Variants in GGT6 observed in about 807,000 individuals in gnomAD.
The protein encoded by GGT6 is glutathione hydrolase 6.
A neutral mutation model predicts 17.0 loss-of-function variants in GGT6; 13 were observed. The ratio of observed to expected loss-of-function variants is 0.77; its 90% CI spans 0.50 to 1.22. The LOEUF (loss-of-function observed/expected upper bound fraction) is 1.22, where lower values mean the gene tolerates loss of function less well. Among genes scored for constraint, GGT6 ranks in the 50% most tolerant of loss-of-function variants. GGT6 has a pLI of 0.00. For missense variants in GGT6, 628 were observed against 643.7 expected, an observed-to-expected ratio of 0.98 and a Z score of 0.26; for synonymous variants, 305 against 297.9, an observed-to-expected ratio of 1.02 and a Z score of -0.25.
In GGT6 at chr17:4,559,003, A is replaced by G. The variant is rs978203083; in HGVS notation, c.512T>C (p.Leu171Pro). 1.9e-6 allele frequency: 3 copies of G among 1,544,846 alleles called. No individual in the cohort carries two copies. The highest frequency in any genetic ancestry group is 1.7e-6 in the Non-Finnish European group (2 of 1,146,958). Residue 171 changes from leucine to proline, a missense_variant, in exon 4 of 4, where the codon CTG (leucine) becomes CCG (proline). Transcript: ENST00000381550. The stretch of plus-strand genomic sequence containing the variant: ...CAGGGTCTGTGCTGGGCCTGATGTC[A>G]GGGCCGTGGAATTGCCTGAGGAGCT... Reference protein sequence around the residue: ...HDSSSGNSTALTSGPAQTLAP... With the variant: ...HDSSSGNSTAPTSGPAQTLAP...
chr17:4,556,691 CCT>C (rs1207246317), downstream of GGT6, among the ~76,000 whole-genome samples: 1 of 152,244 alleles, frequency 6.6e-6, no homozygotes, highest in Non-Finnish European at 1.5e-5. Context: ...GCCTTCTCAC[CCT>C]CTCAGCCGCT....
chr17:4,558,542 C>T lies in GGT6; in HGVS notation c.973G>A (p.Glu325Lys). The change falls in exon 4 of 4, where the codon GAA (glutamate) becomes AAA (lysine). Residue 325 changes from glutamate (E) to lysine (K), a missense_variant. Coordinates refer to ENST00000381550, the MANE Select transcript of GGT6 (RefSeq NM_001288702.2). Reference sequence around the variant, plus strand: ...GCTGCCTCCAACAGTGCCAGCAGTTCTGGGCCAGCTGAGGGACTGGGGGTG... The same window carrying T: ...GCTGCCTCCAACAGTGCCAGCAGTTTTGGGCCAGCTGAGGGACTGGGGGTG... ...FTTPSPSAGPELLALLEAALR... is the reference protein window; with the variant it reads ...FTTPSPSAGPKLLALLEAALR... The T allele has an allele frequency of 6.3e-7, 1 of 1,577,176 alleles. No individual in the cohort carries two copies. Among genetic ancestry groups the T allele is most frequent in the Non-Finnish European group, 8.6e-7 (1 of 1,161,406 alleles).
chr17:4,559,160 A>G, intron 3 of GGT6, 103 bp from the exon 4 acceptor site: 1 of 1,437,582 alleles, frequency 7.0e-7, no homozygotes, highest in Admixed American at 2.1e-5. Context: ...GTTACTGACC[A>G]GGCCTGAGGT....
chr17:4,559,187 C>T (rs191696453), intron 3 of GGT6, 130 bp from the exon 4 acceptor site: 147 of 1,313,900 alleles, frequency 1.1e-4, no homozygotes, highest in Admixed American at 5.8e-4. Flanking sequence ...TCCACAGACC[C>T]GGGCTCAAGG....
rs1211780586 is a variant in GGT6 at position 4,558,091 on chromosome 17, A to G, written c.1424T>C (p.Leu475Pro). The change falls in exon 4 of 4, where the codon CTC (leucine) becomes CCC (proline). Residue 475 changes from leucine to proline, a missense_variant. By Grantham distance (98) the Leu-to-Pro change is moderately conservative (BLOSUM62 -3). Coordinates refer to ENST00000381550, the MANE Select transcript of GGT6 (RefSeq NM_001288702.2). ...GTGCTCTGTGTGGGCTGCCACCTGG[A>G]GCAGGGTCCCTTGGCCACAAGTGCT... The part of the protein sequence containing the change: ...HPSTCGQGTL[L>P]QVAAHTEHAH... 1.2e-6 allele frequency: 2 copies of G among 1,606,938 alleles called. No individual in the cohort carries two copies. The highest frequency in any genetic ancestry group is 2.2e-5 in the East Asian group (1 of 44,818).
rs1484358721 is a variant in GGT6, at chr17:4,558,044, G to A, written c.1471C>T (p.His491Tyr). Residue 491 changes from histidine to tyrosine, a missense_variant, in exon 4 of 4, where the codon CAT becomes TAT. Coordinates refer to ENST00000381550, the MANE Select transcript of GGT6 (RefSeq NM_001288702.2). The stretch of plus-strand genomic sequence containing the variant: ...AACCCCTGGAAGGGGCAGCAGGCAT[G>A]GGGGACACTGGAGACATGGGCGTGC... ...TEHAHVSSVP[H>Y]ACCPFQGF is the part of the protein sequence containing the mutation. 6.4e-7 allele frequency: 1 copy of A among 1,560,930 alleles called. No individual in the cohort carries two copies. Among genetic ancestry groups the A allele is most frequent in the African/African-American group, 1.4e-5 (1 of 73,980 alleles).
rs941041327 is a variant in GGT6 at position 4,558,410 on chromosome 17, G to A, written c.1105C>T (p.Leu369Phe). The change falls in exon 4 of 4, where the codon CTC becomes TTC. Residue 369 changes from leucine to phenylalanine, a missense_variant. Physicochemically the swap from Leu to Phe is conservative, Grantham distance 22 (BLOSUM62 0). Transcript: ENST00000381550. Reference protein sequence around the residue: ...LAAVDSSGSVLLLTSSLNCSF... With the variant: ...LAAVDSSGSVFLLTSSLNCSF... ...CAGTTGAGCGAGGAGGTGAGAAGGAGCACAGAGCCGCTGCTGTCCACGGCG... is the reference window on the plus strand; with the variant it reads ...CAGTTGAGCGAGGAGGTGAGAAGGAACACAGAGCCGCTGCTGTCCACGGCG... 1 of 1,605,322 alleles carries A rather than the reference G, an allele frequency of 6.2e-7. No homozygotes were observed. Among genetic ancestry groups the A allele is most frequent in the Admixed American group, 1.7e-5 (1 of 60,028 alleles).
Position 4,558,107 on chromosome 17 carries a change from C to T in GGT6, c.1408G>A (p.Gly470Ser). ...GCCACCTGGAGCAGGGTCCCTTGGC[C>T]ACAAGTGCTGGGATGCTCTGTTGGT... The part of the protein sequence containing the change: ...QEPTEHPSTC[G>S]QGTLLQVAAH... The change falls in exon 4 of 4, where the codon GGC becomes AGC. Residue 470 changes from glycine (G) to serine (S), a missense_variant. Gly to Ser is a moderately conservative substitution (Grantham distance 56). Transcript: ENST00000381550. 2 of 1,611,102 alleles carry T rather than the reference C, an allele frequency of 1.2e-6. No individual in the cohort carries two copies. Among genetic ancestry groups the T allele is most frequent in the Non-Finnish European group, 1.7e-6 (2 of 1,178,278 alleles).
In GGT6 at chr17:4,560,317, C is replaced by CAG. The variant is rs1360217143; in HGVS notation, c.140+63_140+64dup. ...GTCGCCTGGTCCCCCTGAGGGGCTC[C>CAG]AGAGAGAGGGACTTGCCAACCTCAA... On this transcript the variant is annotated intron_variant, in intron 1 of 3. Transcript: ENST00000381550. 2.5e-5 allele frequency: 40 copies of CAG among 1,596,330 alleles called. 1 individual carries two copies. Among genetic ancestry groups the CAG allele is most frequent in the Non-Finnish European group, 3.3e-5 (39 of 1,166,484 alleles).
chr17:4,558,881 T>TG lies in GGT6; in HGVS notation c.633dup (p.Thr212HisfsTer34), dbSNP rs1173624511. 28 of 1,547,472 alleles carry TG rather than the reference T, an allele frequency of 1.8e-5. No individual in the cohort carries two copies. Among genetic ancestry groups the TG allele is most frequent in the Non-Finnish European group, 2.1e-5 (24 of 1,145,022 alleles). On this transcript the variant is annotated frameshift_variant, in exon 4 of 4. Coordinates refer to ENST00000381550, the MANE Select transcript of GGT6 (RefSeq NM_001288702.2). LOFTEE classifies it low-confidence loss of function (END_TRUNC). ...AGGAAGCCCTCCTGAGCCAGCGTGG[T>TG]GGGGCCCACTAGCAGGCGTGGCCAG...
At chr17:4,556,906 A>G (rs750342526), downstream of GGT6, 2 of 152,238 alleles carry the variant, frequency 1.3e-5, no homozygotes, top group Non-Finnish European at 2.9e-5. Context: ...TGGAAAATTA[A>G]CCAAGAAGCA....
At chr17:4,556,360 G>A (rs1908113790), downstream of GGT6, among the ~76,000 whole-genome samples, 1 of 152,132 alleles carries the variant, frequency 6.6e-6, no homozygotes, top group African/African-American at 2.4e-5. Context: ...GGAGTTAGAT[G>A]TCGGGGGAGA....
In GGT6 at chr17:4,559,462, G is replaced by T; in HGVS notation, c.344-6C>A. ...GCCTAGGTGGGAGCATGTGGCTGCA[G>T]CAAGGAAGGCACTGTCATGCAGCAA... On this transcript the variant is annotated splice_polypyrimidine_tract_variant and splice_region_variant and intron_variant, in intron 2 of 3. Coordinates refer to ENST00000381550, the MANE Select transcript of GGT6 (RefSeq NM_001288702.2). 1 of 1,556,354 alleles carries T rather than the reference G, an allele frequency of 6.4e-7. No homozygotes were observed. The highest frequency in any genetic ancestry group is 8.7e-7 in the Non-Finnish European group (1 of 1,149,430).
At chr17:4,559,787 C>T (rs772108116) in intron 1 of GGT6, 27 bp from the exon 2 acceptor site, 17 of 1,600,508 alleles carry the variant, frequency 1.1e-5, no homozygotes, top group African/African-American at 1.3e-5. Flanking sequence ...TCCTGAGCCA[C>T]GGCTGGGACA....
At position 4,558,459 on chromosome 17, in the gene GGT6, C is replaced by A; in HGVS notation, c.1056G>T (p.Val352=). ...CGGCCAGGGCACTGCTCTCGGGGCT[C>A]ACAGCAGTCTGCAGGAACGGTGGGC... ...DPCPPFLQTA[V]SPESSALAAV... is the part of the protein sequence containing the mutation. The change falls in exon 4 of 4, where the codon GTG becomes GTT. Residue 352 remains valine (V), a synonymous_variant. Coordinates refer to ENST00000381550, the MANE Select transcript of GGT6 (RefSeq NM_001288702.2). 6.2e-7 allele frequency: 1 copy of A among 1,608,116 alleles called. No homozygotes were observed. The highest frequency in any genetic ancestry group is 1.1e-5 in the South Asian group (1 of 91,010).
At position 4,558,273 on chromosome 17, in the gene GGT6, C is replaced by G. The variant is rs770163406; in HGVS notation, c.1242G>C (p.Leu414=). 1 of 1,614,134 alleles carries G rather than the reference C, an allele frequency of 6.2e-7. No homozygotes were observed. Among genetic ancestry groups the G allele is most frequent in the Non-Finnish European group, 8.5e-7 (1 of 1,180,046 alleles). ...WACPLILRGS[L]DDTEADVLGL... ...CCAACACATCAGCCTCTGTGTCATCCAGGCTGCCACGGAGGATGAGGGGGC... is the reference window on the plus strand; with the variant it reads ...CCAACACATCAGCCTCTGTGTCATCGAGGCTGCCACGGAGGATGAGGGGGC... Residue 414 remains leucine (L), a synonymous_variant, in exon 4 of 4, where the codon CTG becomes CTC. Transcript: ENST00000381550.
chr17:4,559,811 G>A, intron 1 of GGT6, 51 bp from the exon 2 acceptor site: 1 of 1,538,824 alleles, frequency 6.5e-7, no homozygotes. Flanking sequence ...GGATGCCCAA[G>A]GACCCCAAGA....
At chr17:4,559,785 C>T (rs1908508811) in intron 1 of GGT6, 25 bp from the exon 2 acceptor site, 1 of 1,603,300 alleles carries the variant, frequency 6.2e-7, no homozygotes, top group Non-Finnish European at 8.5e-7. Context: ...TGTCCTGAGC[C>T]ACGGCTGGGA....
intron 1 of GGT6, 77 bp downstream of exon 1, chr17:4,560,305 C>G: frequency 6.4e-7 from 1 of 1,564,678 alleles, no homozygotes; most frequent in South Asian, 1.1e-5. Context: ...GCCTGGTCCC[C>G]CTGAGGGGCT....
Sources: gnomAD v4.1 joint callset for allele counts (sites outside exome capture counted in the v4.1 genomes callset) on GRCh38, gnomAD v4.1.1 for gene constraint, MANE v1.5 for transcripts, NCBI Gene and HGNC (gene_info 2026-07-23, HGNC 2026-07-21) for gene names.